AGMO: variants seen among roughly 807,000 people sequenced by gnomAD.
AGMO encodes the protein alkylglycerol monooxygenase.
A neutral mutation model predicts 60.2 loss-of-function variants in AGMO; 75 were observed. The ratio of observed to expected loss-of-function variants is 1.25; its 90% CI spans 1.03 to 1.51. The LOEUF (loss-of-function observed/expected upper bound fraction) is 1.51. Among genes scored for constraint, AGMO ranks in the 40% most tolerant of loss-of-function variants. The probability of loss-of-function intolerance (pLI) is 0.00; values close to 1 mark genes in which losing one functional copy is unlikely to be tolerated. For missense variants in AGMO, 763 were observed against 525.5 expected (o/e 1.45, Z -4.42); for synonymous variants, 261 against 177.1 (o/e 1.47, Z -3.76).
At chr7:15,123,222 A>G in the AGMO span, among the ~76,000 whole-genome samples, 1 of 152,070 alleles carries the variant, frequency 6.6e-6, no homozygotes, top group Non-Finnish European at 1.5e-5. Flanking sequence ...TTTACAACTT[A>G]AATTCAACAG....
intron 4 of AGMO, among the ~76,000 whole-genome samples, chr7:15,418,934 A>G (rs1583532105): frequency 6.6e-6 from 1 of 151,768 alleles, no homozygotes; most frequent in Non-Finnish European, 1.5e-5. Flanking sequence ...AAAAGGTTGG[A>G]TGTGTTTTCT....
At chr7:15,466,459 A>C (rs368455204) in intron 3 of AGMO, among the ~76,000 whole-genome samples, 1 of 152,288 alleles carries the variant, frequency 6.6e-6, no homozygotes, top group Non-Finnish European at 1.5e-5. Context: ...AACACATCTA[A>C]TTTTCACAAC....
rs34390987 is a variant in AGMO, at chr7:15,290,032, ATTT to A, written c.1263+75479_1263+75481del. 2.0e-4 allele frequency among the ~76,000 whole-genome samples: 23 copies of A among 116,230 alleles called. 1 individual carries two copies. The highest frequency in any genetic ancestry group is 6.4e-4 in the African/African-American group (20 of 31,046). The allele number at this position is 116,230 out of a possible 152,430, so 76.3% of individuals were successfully genotyped here. ...GCAGTCTTTGGTCCACCTTAAGTTGATTTTTTTTTTTTTTTTGAGACAGAGTTT... is the reference window on the plus strand; with the variant it reads ...GCAGTCTTTGGTCCACCTTAAGTTGATTTTTTTTTTTTTGAGACAGAGTTT... On this transcript the variant is annotated intron_variant, in intron 12 of 12. Transcript: ENST00000342526.
chr7:15,369,154 A>G (rs928892049), intron 10 of AGMO, among the ~76,000 whole-genome samples: 1 of 152,118 alleles, frequency 6.6e-6, no homozygotes, highest in Non-Finnish European at 1.5e-5. Flanking sequence ...TGTTACAAAC[A>G]GCACAATTAA....
chr7:15,153,934 C>A, the AGMO span, among the ~76,000 whole-genome samples: 1 of 151,960 alleles, frequency 6.6e-6, no homozygotes, highest in Non-Finnish European at 1.5e-5. Flanking sequence ...TTACTTTTGG[C>A]AATACAGTCA....
intron 3 of AGMO, among the ~76,000 whole-genome samples, chr7:15,510,388 G>C (rs1783638055): frequency 6.6e-6 from 1 of 151,752 alleles, no homozygotes; most frequent in African/African-American, 2.4e-5. Flanking sequence ...ATGTTGCCCA[G>C]GCTAATTTTG....
intron 12 of AGMO, among the ~76,000 whole-genome samples, chr7:15,218,816 T>A (rs916383366): frequency 6.6e-6 from 1 of 152,038 alleles, no homozygotes; most frequent in African/African-American, 2.4e-5. Context: ...ACAATCAACC[T>A]TTTGGTAGAA....
At chr7:15,457,039 G>C (rs993891806) in intron 3 of AGMO, among the ~76,000 whole-genome samples, 1 of 152,112 alleles carries the variant, frequency 6.6e-6, no homozygotes, top group East Asian at 1.9e-4. Flanking sequence ...TGTAAACTAG[G>C]ATAATAATAT....
intron 12 of AGMO, among the ~76,000 whole-genome samples, chr7:15,312,455 G>T (rs1465524867): frequency 7.5e-6 from 1 of 133,490 alleles, no homozygotes; most frequent in Non-Finnish European, 1.5e-5. Flanking sequence ...GGGAGTCATG[G>T]AAATCACAGG....
chr7:15,136,275 G>A, the AGMO span, among the ~76,000 whole-genome samples: 1 of 152,094 alleles, frequency 6.6e-6, no homozygotes, highest in Non-Finnish European at 1.5e-5. Flanking sequence ...TTACAGGCAT[G>A]AGCCACCGCG....
At chr7:15,558,405 C>T (rs1313491198) in intron 2 of AGMO, among the ~76,000 whole-genome samples, 1 of 151,962 alleles carries the variant, frequency 6.6e-6, no homozygotes, top group African/African-American at 2.4e-5. Context: ...TTTCCATAAC[C>T]TATACACTTA....
In AGMO at chr7:15,452,809, C is replaced by G. The variant is rs148342116; in HGVS notation, c.410-21701G>C. On this transcript the variant is annotated intron_variant, in intron 3 of 12. Coordinates refer to ENST00000342526, the MANE Select transcript of AGMO (RefSeq NM_001004320.2). Reference sequence around the variant, plus strand: ...CACTTCACAGCATTATTTAGAGTAGCCAAAAAGTGGAAACAACCCAAATGT... The same window carrying G: ...CACTTCACAGCATTATTTAGAGTAGGCAAAAAGTGGAAACAACCCAAATGT... 6.1e-3 allele frequency among the ~76,000 whole-genome samples: 930 copies of G among 151,956 alleles called. 10 individuals carry two copies. Among genetic ancestry groups the G allele is most frequent in the South Asian group, 0.015 (71 of 4,802 alleles).
chr7:15,323,174 G>A (rs757991536), intron 12 of AGMO, among the ~76,000 whole-genome samples: 13 of 151,820 alleles, frequency 8.6e-5, no homozygotes, highest in African/African-American at 1.9e-4. Context: ...GATGATAAGC[G>A]AATGATCTTG....
chr7:15,181,524 C>T, the AGMO span, among the ~76,000 whole-genome samples: 1 of 152,152 alleles, frequency 6.6e-6, no homozygotes, highest in African/African-American at 2.4e-5. Flanking sequence ...TTATTCTACT[C>T]CTATTCTATT....
At chr7:15,538,124 G>A (rs2115266976) in intron 3 of AGMO, among the ~76,000 whole-genome samples, 1 of 152,258 alleles carries the variant, frequency 6.6e-6, no homozygotes. Flanking sequence ...TTCAAGGACT[G>A]AGGAAAAGTA....
chr7:15,237,299 GA>G (rs1341440609), intron 12 of AGMO, among the ~76,000 whole-genome samples: 1 of 152,120 alleles, frequency 6.6e-6, no homozygotes, highest in Admixed American at 6.5e-5. Context: ...AGTGTTTTCA[GA>G]AACATTTTCA....
At chr7:15,163,628 A>C in the AGMO span, among the ~76,000 whole-genome samples, 1 of 151,892 alleles carries the variant, frequency 6.6e-6, no homozygotes, top group African/African-American at 2.4e-5. Context: ...ACATTTATTG[A>C]TTTGCGTATG....
chr7:15,212,155 T>C (rs1781609668), intron 12 of AGMO, among the ~76,000 whole-genome samples: 2 of 151,826 alleles, frequency 1.3e-5, no homozygotes, highest in Admixed American at 6.6e-5. Flanking sequence ...AAACCTAACA[T>C]ATTAAAGTCA....
At position 15,508,979 on chromosome 7, in the gene AGMO, C is replaced by A. The variant is rs149001566; in HGVS notation, c.409+35793G>T. Reference sequence around the variant, plus strand: ...TTTAGTCAAAAATGCTAAAAATTGACAAACCAACTTTGCTTATTTGGAAAC... The same window carrying A: ...TTTAGTCAAAAATGCTAAAAATTGAAAAACCAACTTTGCTTATTTGGAAAC... On this transcript the variant is annotated intron_variant, in intron 3 of 12. Transcript: ENST00000342526. 5.0e-3 allele frequency among the ~76,000 whole-genome samples: 762 copies of A among 152,228 alleles called. 7 individuals are homozygous for A. Among genetic ancestry groups the A allele is most frequent in the African/African-American group, 0.017 (718 of 41,554 alleles).
Sources: allele counts gnomAD v4.1 joint callset (sites outside exome capture counted in the v4.1 genomes callset), GRCh38; gene constraint gnomAD v4.1.1; transcripts MANE v1.5; gene names NCBI Gene and HGNC (gene_info 2026-07-23, HGNC 2026-07-21).